RYR1: variants seen among roughly 807,000 people sequenced by gnomAD.
RYR1 encodes ryanodine receptor 1, also known as central core disease of muscle.
RYR1 carries 342 observed loss-of-function variants against 583.5 expected under a neutral mutation model. The ratio of observed to expected loss-of-function variants is 0.59; its 90% confidence interval spans 0.54 to 0.64. The LOEUF (loss-of-function observed/expected upper bound fraction) is 0.64, where lower values mean the gene tolerates loss of function less well. Among genes scored for constraint, RYR1 ranks in the 30% least tolerant of loss-of-function variants. The probability of loss-of-function intolerance (pLI) is 0.00; values close to 1 mark genes in which losing one functional copy is unlikely to be tolerated. For synonymous variants in RYR1, 2,791 were observed against 2,822.5 expected (o/e 0.99, Z 0.35); for missense variants, 6,032 against 6,917.2 (o/e 0.87, Z 4.54).
chr19:38,582,908 G>A (rs1021348204), intron 101 of RYR1, among the ~76,000 whole-genome samples: 4 of 152,138 alleles, frequency 2.6e-5, no homozygotes, highest in African/African-American at 4.8e-5. Flanking sequence ...TTCCAGACAC[G>A]GCCTCGCTGC....
chr19:38,577,753 G>A (rs912265815), intron 97 of RYR1, among the ~76,000 whole-genome samples, 165 bp from the exon 98 acceptor site: 3 of 151,824 alleles, frequency 2.0e-5, no homozygotes, highest in Non-Finnish European at 2.9e-5. Context: ...CAGAGATGGC[G>A]CCACTGCCCT....
At position 38,561,466 on chromosome 19, in the gene RYR1, C is replaced by A. The variant is rs748172098; in HGVS notation, c.12624+12C>A. 17 of 1,600,680 alleles carry A rather than the reference C, an allele frequency of 1.1e-5. No individual in the cohort carries two copies. The highest frequency in any genetic ancestry group is 1.7e-5 in the Admixed American group (1 of 59,842). On this transcript the variant is annotated intron_variant, in intron 90 of 105. Coordinates refer to ENST00000359596, the MANE Select transcript of RYR1 (RefSeq NM_000540.3). The surrounding 1 kb of genome is among the most constrained non-coding windows in gnomAD (Gnocchi z 4.8). Reference sequence around the variant, plus strand: ...GGGAGATGCCCCAGGTCAGGGAACCCGCGCGCGTGCAAGCTCGCCTCCTGG... The same window carrying A: ...GGGAGATGCCCCAGGTCAGGGAACCAGCGCGCGTGCAAGCTCGCCTCCTGG...
chr19:38,485,946 G>T lies in RYR1; in HGVS notation c.5291G>T (p.Gly1764Val). Reference sequence around the variant, plus strand: ...GGTCACCCCCGGCATGGCCTGCCGGGAGTTGGAGTCACCACTTCGCTGAGG... The same window carrying T: ...GGTCACCCCCGGCATGGCCTGCCGGTAGTTGGAGTCACCACTTCGCTGAGG... ...ENGHPRHGLPGVGVTTSLRPP... is the reference protein window; with the variant it reads ...ENGHPRHGLPVVGVTTSLRPP... The change falls in exon 34 of 106, where the codon GGA (glycine) becomes GTA (valine). Residue 1764 changes from glycine (G) to valine (V), a missense_variant. Physicochemically the swap from Gly to Val is moderately radical, Grantham distance 109. Coordinates refer to ENST00000359596, the MANE Select transcript of RYR1 (RefSeq NM_000540.3). 1 of 1,613,734 alleles carries T rather than the reference G, an allele frequency of 6.2e-7. No homozygotes were observed. The highest frequency in any genetic ancestry group is 8.5e-7 in the Non-Finnish European group (1 of 1,179,988).
rs1973368011 is a variant in RYR1, at chr19:38,565,518, A to C, written c.13184A>C (p.Gln4395Pro). Residue 4395 changes from glutamine (Q) to proline (P), a missense_variant, in exon 91 of 106, where the codon CAG becomes CCG. By Grantham distance (76) the Gln-to-Pro change is moderately conservative. Coordinates refer to ENST00000359596, the MANE Select transcript of RYR1 (RefSeq NM_000540.3). The surrounding 1 kb of genome is among the most constrained non-coding windows in gnomAD (Gnocchi z 4.7). ...ACCAGCGACGAGGTGCACGGCGAGC[A>C]GCCGGCCGGGCCGGGCGGAGACGCA... ...DPTSDEVHGE[Q>P]PAGPGGDADG... is the part of the protein sequence containing the mutation. 2 of 1,503,540 alleles carry C rather than the reference A, an allele frequency of 1.3e-6. No individual in the cohort carries two copies. The highest frequency in any genetic ancestry group is 2.7e-5 in the East Asian group (1 of 36,814). The allele number at this position is 1,503,540 out of a possible 1,614,324, so 93.1% of individuals were successfully genotyped here.
chr19:38,566,645 G>A lies in RYR1; in HGVS notation c.13438-266G>A, dbSNP rs77856572. Among the ~76,000 whole-genome samples, 708 of 152,026 alleles carry A rather than the reference G, an allele frequency of 4.7e-3. 6 individuals carry two copies. The highest frequency in any genetic ancestry group is 0.016 in the African/African-American group (663 of 41,460). On this transcript the variant is annotated intron_variant, in intron 91 of 105. Transcript: ENST00000359596. ...ATGCCTTGGGAATGTGGAGGTCAAGGTGGTGGGAAGCCCTGGGGACAAGCA... is the reference window on the plus strand; with the variant it reads ...ATGCCTTGGGAATGTGGAGGTCAAGATGGTGGGAAGCCCTGGGGACAAGCA...
intron 60 of RYR1, among the ~76,000 whole-genome samples, chr19:38,511,017 C>T (rs895191416): frequency 7.9e-5 from 12 of 152,160 alleles, no homozygotes; most frequent in African/African-American, 2.7e-4. Context: ...AACTCAAGGC[C>T]GGGCGTGGTG....
At chr19:38,452,770 C>T (rs565751360) in intron 12 of RYR1, 49 bp from the exon 13 acceptor site, 13 of 1,514,844 alleles carry the variant, frequency 8.6e-6, no homozygotes, top group Admixed American at 4.0e-5. Flanking sequence ...AGTGACGTTG[C>T]GGCAGTTAGC....
intron 72 of RYR1, 114 bp from the exon 73 acceptor site, chr19:38,527,533 A>G (rs543151359): frequency 7.4e-7 from 1 of 1,345,592 alleles, no homozygotes; most frequent in Non-Finnish European, 1.0e-6. Context: ...GAAGAAGAAG[A>G]AAGGCCTCAA....
intron 34 of RYR1, among the ~76,000 whole-genome samples, chr19:38,486,409 TC>T (rs1365933045): frequency 6.6e-6 from 1 of 152,154 alleles, no homozygotes; most frequent in East Asian, 1.9e-4. Context: ...AGTGGCGCAA[TC>T]TCAGCTCACT....
In RYR1 at chr19:38,536,951, G is replaced by A. The variant is rs961891099; in HGVS notation, c.11608+184G>A. ...TCTGGGGAGCATGATTCAGGTCCCA[G>A]ATCAGCCACTGAGAATACATGGGCC... is the stretch of plus-strand genomic sequence containing the variant. On this transcript the variant is annotated intron_variant, in intron 83 of 105. Transcript: ENST00000359596. The A allele has an allele frequency of 6.2e-6, 4 of 647,466 alleles. No homozygotes were observed. The African/African-American group carries it at 7.3e-5, about 12-fold the overall frequency. The allele number at this position is 647,466 out of a possible 1,614,324, so 40.1% of individuals were successfully genotyped here.
Position 38,500,765 on chromosome 19 carries a change from G to A in RYR1, c.7444+39G>A. ...GGAACTTGGCGAAGGAGTGATGCTG[G>A]GGAGGGAGCGGCTGGGTCCGCAGGG... On this transcript the variant is annotated intron_variant, in intron 46 of 105. Coordinates refer to ENST00000359596, the MANE Select transcript of RYR1 (RefSeq NM_000540.3). This position sits in a 1 kb window ranked among gnomAD's most constrained non-coding sequence, Gnocchi z 5.9. 6.2e-7 allele frequency: 1 copy of A among 1,614,068 alleles called. No individual in the cohort carries two copies. The highest frequency in any genetic ancestry group is 1.3e-5 in the African/African-American group (1 of 75,062).
chr19:38,503,112 C>A, intron 49 of RYR1, 142 bp downstream of exon 49: 2 of 794,072 alleles, frequency 2.5e-6, no homozygotes, highest in Non-Finnish European at 4.3e-6. Context: ...CCGTAGAAAT[C>A]TCTTAGCATC....
chr19:38,568,137 C>A (rs1002863458), intron 93 of RYR1, among the ~76,000 whole-genome samples: 1 of 152,224 alleles, frequency 6.6e-6, no homozygotes, highest in African/African-American at 2.4e-5. Flanking sequence ...TGCTCACTAT[C>A]CTTATTCCAA....
rs769553766 is a variant in RYR1, at chr19:38,577,911, T to C, written c.14173-7T>C. 4 of 1,613,956 alleles carry C rather than the reference T, an allele frequency of 2.5e-6. No homozygotes were observed. In the African/African-American group the frequency reaches 5.3e-5, roughly 22 times the overall value. ...GTGTCTACACAGCCTGATGCTCTCT[T>C]GTGCAGGTCCTGGACAAACATGGGG... On this transcript the variant is annotated splice_polypyrimidine_tract_variant and splice_region_variant and intron_variant, in intron 97 of 105. Transcript: ENST00000359596.
chr19:38,534,686 G>A, intron 78 of RYR1, 34 bp from the exon 79 acceptor site: 1 of 1,588,614 alleles, frequency 6.3e-7, no homozygotes, highest in South Asian at 1.1e-5. Context: ...TGGAAAGCCT[G>A]GACTTGCCTT....
At chr19:38,506,658 A>G (rs1970466159) in intron 56 of RYR1, 112 bp downstream of exon 56, 8 of 1,484,796 alleles carry the variant, frequency 5.4e-6, no homozygotes, top group Non-Finnish European at 7.4e-6. Context: ...TGGGAATAAT[A>G]ACAGCGTTTA....
rs1275028128 is a variant in RYR1 at position 38,506,519 on chromosome 19, A to C, written c.8665A>C (p.Lys2889Gln). ...AAATTACCACAACACGTGGGGACGG[A>C]AGAAGAAGCAGGAGCTGGAAGCCAA... Reference protein sequence around the residue: ...AENYHNTWGRKKKQELEAKGG... With the variant: ...AENYHNTWGRQKKQELEAKGG... The change falls in exon 56 of 106, where the codon AAG (lysine) becomes CAG (glutamine). Residue 2889 changes from lysine (K) to glutamine (Q), a missense_variant. By Grantham distance (53) the Lys-to-Gln change is moderately conservative. Transcript: ENST00000359596. 1 of 1,614,044 alleles carries C rather than the reference A, an allele frequency of 6.2e-7. No individual in the cohort carries two copies. The highest frequency in any genetic ancestry group is 1.7e-5 in the Admixed American group (1 of 60,012).
intron 1 of RYR1, among the ~76,000 whole-genome samples, chr19:38,439,688 A>G (rs568850198): frequency 2.0e-4 from 31 of 151,666 alleles, no homozygotes; most frequent in African/African-American, 6.8e-4. Context: ...TGTATTTTTT[A>G]GTAGAGATGG....
chr19:38,565,443 G>A lies in RYR1; in HGVS notation c.13109G>A (p.Gly4370Asp), dbSNP rs1447085293. ...CTGTTCGGCGGCGGCCTGGTGGAGGGCGCCAAGAAGGTGACGGTGACCGAG... is the reference window on the plus strand; with the variant it reads ...CTGTTCGGCGGCGGCCTGGTGGAGGACGCCAAGAAGGTGACGGTGACCGAG... The part of the protein sequence containing the change: ...GSLFGGGLVE[G>D]AKKVTVTELL... The change falls in exon 91 of 106, where the codon GGC becomes GAC. Residue 4370 changes from glycine to aspartate, a missense_variant. Physicochemically the swap from Gly to Asp is moderately conservative, Grantham distance 94. Transcript: ENST00000359596. The surrounding 1 kb of genome is among the most constrained non-coding windows in gnomAD (Gnocchi z 4.7). 4.7e-6 allele frequency: 7 copies of A among 1,495,866 alleles called. No individual in the cohort carries two copies. Among genetic ancestry groups the A allele is most frequent in the East Asian group, 5.6e-5 (2 of 35,832 alleles). The allele number at this position is 1,495,866 out of a possible 1,614,324, so 92.7% of individuals were successfully genotyped here. A position where few individuals can be genotyped will look rare whatever the true frequency, so the allele number is the denominator to read the frequency against.
Sources: allele counts gnomAD v4.1 joint callset (sites outside exome capture counted in the v4.1 genomes callset), GRCh38; gene constraint gnomAD v4.1.1; non-coding constraint Gnocchi (gnomAD v3.1); transcripts MANE v1.5; gene names NCBI Gene and HGNC (gene_info 2026-07-23, HGNC 2026-07-21).